Variants in DOCK1 observed in about 807,000 individuals in gnomAD.
DOCK1 encodes dedicator of cytokinesis protein 1.
In DOCK1, 138 loss-of-function variants were observed where a neutral mutation model predicts 262.7. That is an observed-to-expected ratio of 0.53 (90% CI 0.46 to 0.61). DOCK1 has a LOEUF of 0.61. Among genes scored for constraint, DOCK1 ranks in the 20% least tolerant of loss-of-function variants. The pLI, the probability that DOCK1 is intolerant of heterozygous loss-of-function variation, is 0.00. For synonymous variants in DOCK1, 866 were observed against 867.4 expected (o/e 1.00, Z 0.03); for missense variants, 1,908 against 2,370.7 (o/e 0.80, Z 4.05).
chr10:127,338,933 A>T, intron 29 of DOCK1, 73 bp from the exon 30 acceptor site: 1 of 1,294,444 alleles, frequency 7.7e-7, no homozygotes, highest in Non-Finnish European at 1.1e-6. Context: ...GATTGTATCT[A>T]ATTGAAATGC....
At position 127,018,726 on chromosome 10, in the gene DOCK1, G is replaced by A; in HGVS notation, c.1218G>A (p.Leu406=). The change falls in exon 13 of 52, where the codon TTG becomes TTA. Residue 406 remains leucine, a synonymous_variant. Coordinates refer to ENST00000623213, the MANE Select transcript of DOCK1 (RefSeq NM_001290223.2). ...NHKGQGLWVT[L]KLLPGDIHQI... Reference sequence around the variant, plus strand: ...TTTTTCCAGGTTTGTGGGTAACATTGAAATTACTTCCTGGAGATATCCATC... The same window carrying A: ...TTTTTCCAGGTTTGTGGGTAACATTAAAATTACTTCCTGGAGATATCCATC... 2 of 1,614,020 alleles carry A rather than the reference G, an allele frequency of 1.2e-6. No homozygotes were observed. The highest frequency in any genetic ancestry group is 1.7e-6 in the Non-Finnish European group (2 of 1,179,900).
At chr10:126,984,099 C>A (rs1225509429) in intron 4 of DOCK1, among the ~76,000 whole-genome samples, 1 of 152,156 alleles carries the variant, frequency 6.6e-6, no homozygotes, top group Non-Finnish European at 1.5e-5. Flanking sequence ...GGGTGCTGTC[C>A]TAGCCTTCTC....
At chr10:127,346,643 T>C (rs986696742) in intron 31 of DOCK1, among the ~76,000 whole-genome samples, 4 of 152,060 alleles carry the variant, frequency 2.6e-5, no homozygotes, top group Non-Finnish European at 5.9e-5. Context: ...TCGAAGGGCC[T>C]TGGCTACTAA....
intron 29 of DOCK1, among the ~76,000 whole-genome samples, chr10:127,278,460 G>A (rs2060825852): frequency 6.6e-6 from 1 of 152,144 alleles, no homozygotes; most frequent in Admixed American, 6.5e-5. Context: ...TGGACCAGAA[G>A]GTTTTGTTCT....
chr10:127,221,396 TAACTC>T (rs1208147859), intron 27 of DOCK1, among the ~76,000 whole-genome samples: 2 of 152,176 alleles, frequency 1.3e-5, no homozygotes, highest in Non-Finnish European at 2.9e-5. Context: ...ATCAAGATCT[TAACTC>T]AAGATATTGA....
intron 43 of DOCK1, among the ~76,000 whole-genome samples, chr10:127,412,687 C>T (rs1339413603): frequency 1.3e-5 from 2 of 152,210 alleles, no homozygotes; most frequent in East Asian, 3.9e-4. Context: ...GGTGGCTACC[C>T]AGTCTCCCTC....
rs558539054 is a variant in DOCK1, at chr10:127,028,947, C to T, written c.1624+2523C>T. On this transcript the variant is annotated intron_variant, in intron 16 of 51. Transcript: ENST00000623213. Reference sequence around the variant, plus strand: ...GCCCACGGAGGAAGCAGGTTAAGAACGGGGTTCTGGAATCCACAGAGGACT... The same window carrying T: ...GCCCACGGAGGAAGCAGGTTAAGAATGGGGTTCTGGAATCCACAGAGGACT... Among the ~76,000 whole-genome samples the T allele has an allele frequency of 7.2e-5, 11 of 152,298 alleles. No individual in the cohort carries two copies. The South Asian group carries it at 2.1e-3, about 29-fold the overall frequency.
chr10:126,918,990 T>C (rs552610045), intron 1 of DOCK1, among the ~76,000 whole-genome samples: 1 of 106,962 alleles, frequency 9.3e-6, no homozygotes, highest in Admixed American at 1.0e-4. Flanking sequence ...CGAGAGGGAG[T>C]GTGGGGGCCC....
At chr10:126,918,239 T>C (rs1170509288) in intron 1 of DOCK1, among the ~76,000 whole-genome samples, 2 of 151,996 alleles carry the variant, frequency 1.3e-5, no homozygotes, top group Non-Finnish European at 2.9e-5. Flanking sequence ...GGGACTCCAC[T>C]GATGCCTGGG....
intron 28 of DOCK1, among the ~76,000 whole-genome samples, chr10:127,252,779 G>A (rs7901048): frequency 0.36 from 53,938 of 151,384 alleles, 9,641 homozygotes; most frequent in Admixed American, 0.41. Flanking sequence ...ATGCTGTTTT[G>A]GTTACTGTAG....
At chr10:127,077,225 T>C (rs1433526270) in intron 23 of DOCK1, among the ~76,000 whole-genome samples, 1 of 152,014 alleles carries the variant, frequency 6.6e-6, no homozygotes, top group African/African-American at 2.4e-5. Context: ...TGAAGCTCCA[T>C]ATCTACTAAA....
intron 27 of DOCK1, among the ~76,000 whole-genome samples, chr10:127,159,973 T>C (rs1239305257): frequency 6.6e-6 from 1 of 152,104 alleles, no homozygotes; most frequent in Non-Finnish European, 1.5e-5. Context: ...AGGAAGGGTG[T>C]TGAGAAATGT....
intron 23 of DOCK1, among the ~76,000 whole-genome samples, chr10:127,067,483 T>C (rs1420024098): frequency 8.6e-5 from 13 of 151,994 alleles, no homozygotes; most frequent in Non-Finnish European, 8.8e-5. Context: ...TGATGCTTAC[T>C]TGGTATATGT....
intron 1 of DOCK1, among the ~76,000 whole-genome samples, chr10:126,913,701 C>T (rs2032139758): frequency 6.6e-6 from 1 of 152,236 alleles, no homozygotes; most frequent in African/African-American, 2.4e-5. Flanking sequence ...TCCCTGTCTT[C>T]AAAAGGCAGA....
intron 23 of DOCK1, among the ~76,000 whole-genome samples, chr10:127,092,664 A>G (rs746794386): frequency 1.3e-5 from 2 of 151,942 alleles, no homozygotes; most frequent in Non-Finnish European, 2.9e-5. Context: ...TTGTATTTTT[A>G]ATAGAGACAG....
At chr10:127,394,926 T>A (rs930264553) in intron 38 of DOCK1, among the ~76,000 whole-genome samples, 7 of 152,128 alleles carry the variant, frequency 4.6e-5, no homozygotes, top group African/African-American at 1.7e-4. Context: ...GGTCTCCCTA[T>A]CCCACAGGTG....
chr10:126,907,326 G>C (rs551106576), intron 1 of DOCK1, among the ~76,000 whole-genome samples: 174 of 152,218 alleles, frequency 1.1e-3, no homozygotes, highest in African/African-American at 4.1e-3. Flanking sequence ...GCATCCCATA[G>C]CCCTGGCCCT....
intron 29 of DOCK1, among the ~76,000 whole-genome samples, chr10:127,329,803 T>C (rs1347054109): frequency 6.6e-6 from 1 of 152,112 alleles, no homozygotes; most frequent in Admixed American, 6.5e-5. Context: ...TAGAGGCGAA[T>C]AAGAAGGACC....
chr10:127,156,948 G>T (rs142863509), intron 27 of DOCK1, among the ~76,000 whole-genome samples: 1 of 152,060 alleles, frequency 6.6e-6, no homozygotes, highest in Non-Finnish European at 1.5e-5. Context: ...CCTCCATTAC[G>T]GTCAGTAAGC....
Sources: allele counts gnomAD v4.1 joint callset (sites outside exome capture counted in the v4.1 genomes callset), GRCh38; gene constraint gnomAD v4.1.1; transcripts MANE v1.5; gene names NCBI Gene and HGNC (gene_info 2026-07-23, HGNC 2026-07-21).